POU2F2: variants seen among roughly 807,000 people sequenced by gnomAD.
The protein encoded by POU2F2 is POU domain, class 2, transcription factor 2.
A neutral mutation model predicts 63.5 loss-of-function variants in POU2F2; 14 were observed. That is an observed-to-expected ratio of 0.22 (90% confidence interval 0.15 to 0.34). The LOEUF is 0.34. POU2F2 is among the 10% of genes least tolerant of loss of function. The pLI, the probability that POU2F2 is intolerant of heterozygous loss-of-function variation, is 1.00. For synonymous variants in POU2F2, 306 were observed against 348.6 expected (o/e 0.88, Z 1.36); for missense variants, 607 against 815.2 (o/e 0.74, Z 3.11).
At chr19:42,173,083 C>CATCA (rs1424141582) in intron 1 of POU2F2, among the ~76,000 whole-genome samples, 1 of 152,110 alleles carries the variant, frequency 6.6e-6, no homozygotes, top group Non-Finnish European at 1.5e-5. Flanking sequence ...GTGTAAGGGA[C>CATCA]ATCATGGTCA....
intron 1 of POU2F2, among the ~76,000 whole-genome samples, chr19:42,170,425 C>T (rs577206091): frequency 2.6e-4 from 39 of 147,270 alleles, no homozygotes; most frequent in Non-Finnish European, 4.6e-4. Context: ...TTCAACCCAA[C>T]GCCAAAAAAA....
chr19:42,124,096 G>T (rs974225159), intron 1 of POU2F2, among the ~76,000 whole-genome samples: 1 of 152,052 alleles, frequency 6.6e-6, no homozygotes, highest in Non-Finnish European at 1.5e-5. Context: ...TTGAACCCAG[G>T]AGTTCAAGAC....
At chr19:42,161,283 C>T (rs143522334) in intron 1 of POU2F2, among the ~76,000 whole-genome samples, 4 of 152,114 alleles carry the variant, frequency 2.6e-5, no homozygotes, top group Non-Finnish European at 4.4e-5. Flanking sequence ...TGGGGAAAGA[C>T]GAGGCTTCCA....
chr19:42,103,471 A>G (rs1305374715), intron 5 of POU2F2, among the ~76,000 whole-genome samples: 4 of 152,148 alleles, frequency 2.6e-5, no homozygotes, highest in African/African-American at 7.2e-5. Context: ...AAGCTATAAC[A>G]TGTTACTTAC....
chr19:42,197,281 T>C (rs1377406918), upstream of POU2F2, among the ~76,000 whole-genome samples: 1 of 152,134 alleles, frequency 6.6e-6, no homozygotes, highest in Non-Finnish European at 1.5e-5. Flanking sequence ...ACATCAAACA[T>C]GGGTTTAAAA....
At chr19:42,171,426 C>T (rs1008515465) in intron 1 of POU2F2, among the ~76,000 whole-genome samples, 9 of 144,562 alleles carry the variant, frequency 6.2e-5, no homozygotes, top group East Asian at 2.0e-4. Context: ...TCAGGGGCTG[C>T]GCTTCGTGTG....
intron 5 of POU2F2, chr19:42,116,846 A>G: frequency 2.4e-6 from 1 of 409,998 alleles, no homozygotes; most frequent in Non-Finnish European, 4.8e-6. Context: ...GCAGAGGAGG[A>G]GGAGGAGGAG....
chr19:42,165,273 G>A (rs1393916730), intron 1 of POU2F2, among the ~76,000 whole-genome samples: 1 of 152,218 alleles, frequency 6.6e-6, no homozygotes, highest in Non-Finnish European at 1.5e-5. Flanking sequence ...ATGGAGAAGA[G>A]CTCACTCCTC....
chr19:42,134,288 A>G (rs2033944674), upstream of POU2F2, among the ~76,000 whole-genome samples: 1 of 152,106 alleles, frequency 6.6e-6, no homozygotes, highest in Non-Finnish European at 1.5e-5. Flanking sequence ...CACGTCAGGA[A>G]CACGCTTTTG....
chr19:42,159,051 G>C (rs1289348104), intron 2 of POU2F2, among the ~76,000 whole-genome samples: 1 of 152,186 alleles, frequency 6.6e-6, no homozygotes, highest in Non-Finnish European at 1.5e-5. Flanking sequence ...GCAAATGTAG[G>C]TATGTGTTTT....
rs2076567540 is a variant in POU2F2 at position 42,086,971 on chromosome 19, T to A, written c.*4286A>T. On this transcript the variant is annotated 3_prime_UTR_variant, in exon 15 of 15. Transcript: ENST00000692977. Reference sequence around the variant, plus strand: ...AAAAATATACATTATTTTTTCTTTGTTTCCGCCTTTGTCATCGTCGTCTTG... The same window carrying A: ...AAAAATATACATTATTTTTTCTTTGATTCCGCCTTTGTCATCGTCGTCTTG... The A allele has an allele frequency of 6.6e-6, 1 of 152,208 alleles. No individual in the cohort carries two copies. Among genetic ancestry groups the A allele is most frequent in the African/African-American group, 2.4e-5 (1 of 41,450 alleles). 9.4% of individuals were successfully genotyped at this position (152,208 alleles called of 1,614,324 possible). A position where few individuals can be genotyped will look rare whatever the true frequency, so the allele number is the denominator to read the frequency against.
upstream of POU2F2, chr19:42,132,623 G>T: frequency 2.4e-6 from 1 of 425,138 alleles, no homozygotes; most frequent in Non-Finnish European, 4.1e-6. Flanking sequence ...GGGCTAGTGG[G>T]GCAGAGGATA....
Position 42,117,166 on chromosome 19 carries a change from G to T in POU2F2, c.369+84C>A. On this transcript the variant is annotated intron_variant, in intron 5 of 14. Coordinates refer to ENST00000692977, the MANE Select transcript of POU2F2 (RefSeq NM_001394376.1). This position sits in a 1 kb window ranked among gnomAD's most constrained non-coding sequence, Gnocchi z 4.4. The stretch of plus-strand genomic sequence containing the variant: ...GTGTGAGAGAGTGGCCATGGCCTTG[G>T]TGGAACAGTTCATCCACTAGCCCTG... 8.8e-7 allele frequency: 1 copy of T among 1,141,084 alleles called. No homozygotes were observed. The highest frequency in any genetic ancestry group is 1.2e-6 in the Non-Finnish European group (1 of 809,806). 70.7% of individuals were successfully genotyped at this position (1,141,084 alleles called of 1,614,324 possible). A position where few individuals can be genotyped will look rare whatever the true frequency, so the allele number is the denominator to read the frequency against.
At chr19:42,139,520 A>G (rs752076890) in intron 2 of POU2F2, among the ~76,000 whole-genome samples, 1 of 151,722 alleles carries the variant, frequency 6.6e-6, no homozygotes, top group African/African-American at 2.4e-5. Flanking sequence ...GCTCACTGCA[A>G]CCTCCACCTC....
chr19:42,168,240 A>G (rs867661045), intron 1 of POU2F2, among the ~76,000 whole-genome samples: 33 of 152,090 alleles, frequency 2.2e-4, no homozygotes, highest in African/African-American at 7.5e-4. Flanking sequence ...GGGGCTACCC[A>G]TCCTGTCCTG....
chr19:42,118,139 G>T lies in POU2F2; in HGVS notation c.187-707C>A, dbSNP rs1295090318. On this transcript the variant is annotated intron_variant, in intron 4 of 14. Coordinates refer to ENST00000692977, the MANE Select transcript of POU2F2 (RefSeq NM_001394376.1). The stretch of plus-strand genomic sequence containing the variant: ...AGGGTATCACTATGTTGCCCAGGCT[G>T]GTCTTGAACTCCTAGGCTCAAGCGA... Among the ~76,000 whole-genome samples, 3 of 152,108 alleles carry T rather than the reference G, an allele frequency of 2.0e-5. No homozygotes were observed. The East Asian group carries it at 5.8e-4, about 29-fold the overall frequency.
chr19:42,188,535 G>A (rs1237744759), intron 1 of POU2F2, among the ~76,000 whole-genome samples: 1 of 151,714 alleles, frequency 6.6e-6, no homozygotes, highest in Non-Finnish European at 1.5e-5. Flanking sequence ...GCCGGGCGTG[G>A]TGGCAGATGC....
chr19:42,142,647 C>G (rs1356651833), intron 2 of POU2F2, among the ~76,000 whole-genome samples: 1 of 152,106 alleles, frequency 6.6e-6, no homozygotes, highest in Non-Finnish European at 1.5e-5. Context: ...CTCACTGCAA[C>G]TGCCACCCCC....
chr19:42,123,745 G>A (rs1377928487), intron 1 of POU2F2, among the ~76,000 whole-genome samples: 1 of 152,086 alleles, frequency 6.6e-6, no homozygotes, highest in African/African-American at 2.4e-5. Flanking sequence ...TCCTGAAACT[G>A]AATCCAACCC....
Sources: gnomAD v4.1 joint callset for allele counts (sites outside exome capture counted in the v4.1 genomes callset) on GRCh38, gnomAD v4.1.1 for gene constraint, Gnocchi (gnomAD v3.1) non-coding constraint, MANE v1.5 for transcripts, NCBI Gene and HGNC (gene_info 2026-07-23, HGNC 2026-07-21) for gene names.